The following CDH18 variants were observed in gnomAD, a reference collection of about 807,000 sequenced individuals.
The protein encoded by CDH18 is cadherin-18.
In CDH18, 31 loss-of-function variants were observed where a neutral mutation model predicts 67.9. The ratio of observed to expected loss-of-function variants is 0.46; its 90% confidence interval spans 0.34 to 0.62. CDH18 has a LOEUF of 0.62. Ranked by LOEUF, CDH18 falls within the 20% of genes least tolerant of loss-of-function variation. The probability of loss-of-function intolerance (pLI) is 0.01; values close to 1 mark genes in which losing one functional copy is unlikely to be tolerated. For missense variants in CDH18, 890 were observed against 975.5 expected (o/e 0.91, Z 1.17); for synonymous variants, 362 against 347.2 (o/e 1.04, Z -0.48).
chr5:19,765,429 C>T (rs376071222), intron 3 of CDH18, among the ~76,000 whole-genome samples: 186 of 150,856 alleles, frequency 1.2e-3, no homozygotes, highest in African/African-American at 4.3e-3. Context: ...AAAAGTTATT[C>T]AAAAATTATT....
chr5:20,480,832 A>C (rs1024268830), intron 1 of CDH18, among the ~76,000 whole-genome samples: 1 of 152,214 alleles, frequency 6.6e-6, no homozygotes, highest in African/African-American at 2.4e-5. Flanking sequence ...GTAACCTCAA[A>C]TCAAAAAGAA....
intron 5 of CDH18, among the ~76,000 whole-genome samples, chr5:19,631,265 A>T (rs986392150): frequency 6.6e-6 from 1 of 152,098 alleles, no homozygotes; most frequent in African/African-American, 2.4e-5. Flanking sequence ...AACAAATGCA[A>T]ATTTTTACAT....
chr5:19,748,344 AT>A (rs1770403999), intron 3 of CDH18, among the ~76,000 whole-genome samples: 1 of 152,036 alleles, frequency 6.6e-6, no homozygotes, highest in South Asian at 2.1e-4. Flanking sequence ...CAGAAGAGGT[AT>A]TCAATAAGAA....
At chr5:19,660,009 G>A (rs1756941912) in intron 5 of CDH18, among the ~76,000 whole-genome samples, 1 of 151,998 alleles carries the variant, frequency 6.6e-6, no homozygotes, top group Non-Finnish European at 1.5e-5. Context: ...AAAATCACAA[G>A]CTAAAATGTT....
At chr5:19,999,533 C>T (rs1431828602) in intron 2 of CDH18, among the ~76,000 whole-genome samples, 2 of 152,052 alleles carry the variant, frequency 1.3e-5, no homozygotes, top group South Asian at 2.1e-4. Context: ...ACCTGGCAGG[C>T]GGAGGTTGCA....
At chr5:20,015,979 T>C (rs999786098) in intron 2 of CDH18, among the ~76,000 whole-genome samples, 1 of 152,098 alleles carries the variant, frequency 6.6e-6, no homozygotes, top group African/African-American at 2.4e-5. Context: ...AAAAAGGGAA[T>C]ATAAATTGTT....
intron 2 of CDH18, among the ~76,000 whole-genome samples, chr5:20,112,417 C>G (rs1747555697): frequency 1.3e-5 from 2 of 152,150 alleles, no homozygotes; most frequent in South Asian, 4.1e-4. Context: ...ATTGTGCTTT[C>G]TATATGCCTG....
At chr5:20,046,220 A>G (rs761114152) in intron 2 of CDH18, among the ~76,000 whole-genome samples, 1 of 152,042 alleles carries the variant, frequency 6.6e-6, no homozygotes, top group Non-Finnish European at 1.5e-5. Flanking sequence ...TTGTTGACAG[A>G]TTAATATGAG....
chr5:20,548,069 G>T (rs938855070), intron 1 of CDH18, among the ~76,000 whole-genome samples: 10 of 151,112 alleles, frequency 6.6e-5, no homozygotes, highest in Non-Finnish European at 1.0e-4. Context: ...AACAAAATAT[G>T]TTCATACTAT....
intron 2 of CDH18, among the ~76,000 whole-genome samples, chr5:20,112,548 A>G (rs1291874921): frequency 1.3e-5 from 2 of 151,940 alleles, no homozygotes; most frequent in Non-Finnish European, 2.9e-5. Flanking sequence ...AAATCCCCAA[A>G]TCTACTTGGG....
intron 5 of CDH18, among the ~76,000 whole-genome samples, chr5:19,713,124 T>C (rs1031331001): frequency 6.6e-6 from 1 of 151,892 alleles, no homozygotes; most frequent in Non-Finnish European, 1.5e-5. Context: ...TTCTCAATAG[T>C]TACTATTGAG....
At position 19,620,524 on chromosome 5, in the gene CDH18, T is replaced by G. The variant is rs1437086922; in HGVS notation, c.644-7923A>C. On this transcript the variant is annotated intron_variant, in intron 5 of 12. Transcript: ENST00000382275. ...GTTGGTGTATTTTGAGAGGGAGAGA[T>G]AGAGAGAAAAGAGAAATAAAGAGGA... Among the ~76,000 whole-genome samples the G allele has an allele frequency of 4.0e-5, 6 of 151,186 alleles. 1 individual carries two copies. The East Asian group carries it at 5.9e-4, about 15-fold the overall frequency.
At chr5:19,613,370 G>C (rs1296212380) in intron 5 of CDH18, among the ~76,000 whole-genome samples, 1 of 152,026 alleles carries the variant, frequency 6.6e-6, no homozygotes, top group African/African-American at 2.4e-5. Context: ...TGAGGAGTTT[G>C]GACACTTAAA....
chr5:19,707,009 G>A lies in CDH18; in HGVS notation c.643+14338C>T, dbSNP rs774000726. 6.6e-5 allele frequency among the ~76,000 whole-genome samples: 10 copies of A among 152,126 alleles called. No individual in the cohort carries two copies. The South Asian group carries it at 8.3e-4, about 13-fold the overall frequency. On this transcript the variant is annotated intron_variant, in intron 5 of 12. Transcript: ENST00000382275. ...AGCAACTGGTTTGGTGGAGAGATCC[G>A]ATAACAAAAGGTTGGGAAATAGGTA...
intron 2 of CDH18, among the ~76,000 whole-genome samples, chr5:20,005,096 T>G (rs1300087787): frequency 6.6e-6 from 1 of 151,992 alleles, no homozygotes; most frequent in African/African-American, 2.4e-5. Flanking sequence ...AATAGGAAAA[T>G]ACGTATACAT....
intron 1 of CDH18, among the ~76,000 whole-genome samples, chr5:20,350,520 T>C (rs1404528122): frequency 1.3e-5 from 2 of 152,170 alleles, no homozygotes; most frequent in Non-Finnish European, 2.9e-5. Flanking sequence ...GTAATTACTT[T>C]TGTTAAACTA....
At chr5:19,841,994 C>T (rs1782368257) in intron 2 of CDH18, among the ~76,000 whole-genome samples, 1 of 152,154 alleles carries the variant, frequency 6.6e-6, no homozygotes, top group Non-Finnish European at 1.5e-5. Context: ...AATAAGAGGA[C>T]ATAACTTCAA....
intron 1 of CDH18, among the ~76,000 whole-genome samples, chr5:20,293,950 C>G (rs1227824862): frequency 6.6e-6 from 1 of 152,078 alleles, no homozygotes; most frequent in East Asian, 1.9e-4. Context: ...CACTGATGTA[C>G]GTAGGCATTT....
rs533163714 is a variant in CDH18 at position 19,568,711 on chromosome 5, G to A, written c.1253+2868C>T. ...AGGGCTCTCTGCAAACCAGGAATCA[G>A]ACACACACCAGATACCAGATAGGCT... On this transcript the variant is annotated intron_variant, in intron 8 of 12. Transcript: ENST00000382275. Among the ~76,000 whole-genome samples the A allele has an allele frequency of 2.6e-5, 4 of 152,304 alleles. 1 individual carries two copies. In the East Asian group the frequency reaches 7.7e-4, roughly 29 times the overall value.
Sources: allele counts gnomAD v4.1 joint callset (sites outside exome capture counted in the v4.1 genomes callset), GRCh38; gene constraint gnomAD v4.1.1; transcripts MANE v1.5; gene names NCBI Gene and HGNC (gene_info 2026-07-23, HGNC 2026-07-21).